The following SERINC2 variants were observed in gnomAD, a reference collection of about 807,000 sequenced individuals.
The protein encoded by SERINC2 is tumor differentially expressed protein 2.
SERINC2 carries 56 observed loss-of-function variants against 54.2 expected under a neutral mutation model. That is an observed-to-expected ratio of 1.03 (90% CI 0.83 to 1.29). The LOEUF (loss-of-function observed/expected upper bound fraction) is 1.29, where lower values mean the gene tolerates loss of function less well. Among genes scored for constraint, SERINC2 ranks in the 50% most tolerant of loss-of-function variants. SERINC2 has a pLI of 0.00. For missense variants in SERINC2, 614 were observed against 607.4 expected, an observed-to-expected ratio of 1.01 and a Z score of -0.12; for synonymous variants, 272 against 253.1, an observed-to-expected ratio of 1.07 and a Z score of -0.71.
chr1:31,433,423 C>G (rs1032955669), intron 9 of SERINC2, among the ~76,000 whole-genome samples: 2 of 152,146 alleles, frequency 1.3e-5, no homozygotes, highest in Non-Finnish European at 2.9e-5. Context: ...GGCACAGCAG[C>G]TGGGGCTGGA....
At chr1:31,410,734 C>G (rs1252993333), upstream of SERINC2, among the ~76,000 whole-genome samples, 3 of 152,180 alleles carry the variant, frequency 2.0e-5, no homozygotes, top group Non-Finnish European at 4.4e-5. Context: ...AAGTGGCCCC[C>G]CAAGGATGGC....
Position 31,432,960 on chromosome 1 carries a change from C to T in SERINC2, c.1014-7C>T, listed in dbSNP as rs1641358843. On this transcript the variant is annotated splice_polypyrimidine_tract_variant and splice_region_variant and intron_variant, in intron 8 of 9. Transcript: ENST00000373709. ...TCTATTTGCCCACCTTCCTCCCTCC[C>T]CTGCAGTCTGCGCTCCTCAGACCAC... The T allele has an allele frequency of 1.2e-6, 2 of 1,603,484 alleles. No homozygotes were observed. The highest frequency in any genetic ancestry group is 1.7e-5 in the Admixed American group (1 of 58,796).
intron 7 of SERINC2, 88 bp from the exon 8 acceptor site, chr1:31,429,308 TA>T: frequency 2.0e-6 from 3 of 1,478,688 alleles, no homozygotes; most frequent in Non-Finnish European, 2.8e-6. Flanking sequence ...GTCTGTCTAT[TA>T]GGGGTGGCTC....
At chr1:31,414,572 C>A in intron 1 of SERINC2, 2 of 985,738 alleles carry the variant, frequency 2.0e-6, no homozygotes, top group Non-Finnish European at 2.4e-6. Context: ...GGCAAGAGAG[C>A]CTCTCGCCTC....
chr1:31,429,815 A>T (rs1641147867), intron 8 of SERINC2, among the ~76,000 whole-genome samples: 1 of 151,802 alleles, frequency 6.6e-6, no homozygotes. Context: ...TCAGGGAAGG[A>T]GCATGGACTG....
chr1:31,413,326 C>T lies in SERINC2; in HGVS notation c.39+22C>T. The T allele has an allele frequency of 8.2e-7, 1 of 1,223,344 alleles. No homozygotes were observed. The highest frequency in any genetic ancestry group is 1.0e-6 in the Non-Finnish European group (1 of 973,078). The allele number at this position is 1,223,344 out of a possible 1,614,324, so 75.8% of individuals were successfully genotyped here. The stretch of plus-strand genomic sequence containing the variant: ...CTGCGTGAGTCCCGACCCCGGCGCC[C>T]GCCCGCGCGCGCCGCCCGTTCCTGC... On this transcript the variant is annotated intron_variant, in intron 1 of 9. Transcript: ENST00000373709. The surrounding 1 kb of genome is among the most constrained non-coding windows in gnomAD (Gnocchi z 5.0).
rs782185110 is a variant in SERINC2, at chr1:31,433,119, CCTT to C, written c.1171_1173del (p.Phe391del). The stretch of plus-strand genomic sequence containing the variant: ...CAGGACGGCGTCACCTACAGCTACT[CCTT>C]CTTCCACTTCTGCCTGGTGCTGGCC... On this transcript the variant is annotated inframe_deletion, in exon 9 of 10. Coordinates refer to ENST00000373709, the MANE Select transcript of SERINC2 (RefSeq NM_178865.5). 79 of 1,613,676 alleles carry C rather than the reference CCTT, an allele frequency of 4.9e-5. 1 individual carries two copies. The highest frequency in any genetic ancestry group is 3.8e-4 in the South Asian group (35 of 91,088).
chr1:31,423,565 G>A (rs782656567), intron 1 of SERINC2, 128 bp from the exon 2 acceptor site: 8 of 951,974 alleles, frequency 8.4e-6, no homozygotes, highest in African/African-American at 1.6e-5. Context: ...AGTTCAATGG[G>A]CTGGTGTCTG....
chr1:31,421,659 G>A (rs1225927200), intron 1 of SERINC2, among the ~76,000 whole-genome samples: 17 of 151,940 alleles, frequency 1.1e-4, no homozygotes, highest in African/African-American at 3.6e-4. Flanking sequence ...GGTCTCTGAG[G>A]AGCAAGGGGC....
chr1:31,414,601 G>A (rs781997873), intron 1 of SERINC2: 50 of 981,962 alleles, frequency 5.1e-5, no homozygotes, highest in Non-Finnish European at 5.8e-5. Flanking sequence ...TCCATTTTTC[G>A]TGTGTGTGTG....
intron 4 of SERINC2, 29 bp from the exon 5 acceptor site, chr1:31,425,746 TC>T: frequency 1.2e-6 from 2 of 1,608,024 alleles, no homozygotes; most frequent in South Asian, 2.2e-5. Flanking sequence ...AGAGGGACCC[TC>T]CTCGCCTCAC....
chr1:31,426,523 G>A (rs951288974), intron 5 of SERINC2, 131 bp from the exon 6 acceptor site: 12 of 683,346 alleles, frequency 1.8e-5, no homozygotes, highest in African/African-American at 3.6e-5. Flanking sequence ...AGGCAGTGAC[G>A]TCATTCTTCA....
rs1441992395 is a variant in SERINC2, at chr1:31,415,329, T to C, written c.39+2025T>C. On this transcript the variant is annotated intron_variant, in intron 1 of 9. Transcript: ENST00000373709. Reference sequence around the variant, plus strand: ...CGGCCCTCCCTTCAGTGCCATCCCCTTGGGGTTCTGGCCTCCGACATTTAC... The same window carrying C: ...CGGCCCTCCCTTCAGTGCCATCCCCCTGGGGTTCTGGCCTCCGACATTTAC... 2.6e-5 allele frequency among the ~76,000 whole-genome samples: 4 copies of C among 152,306 alleles called. No homozygotes were observed. In the East Asian group the frequency reaches 7.7e-4, roughly 29 times the overall value.
intron 8 of SERINC2, among the ~76,000 whole-genome samples, chr1:31,432,092 ACAGGGTGGACAGGG>A (rs1557501140): frequency 1.8e-5 from 2 of 110,260 alleles, no homozygotes; most frequent in Non-Finnish European, 3.6e-5. Flanking sequence ...GTTAGGGTGG[ACAGGGTGGACAGGG>A]TGGATAGGGT....
At chr1:31,409,818 C>A (rs553229259), upstream of SERINC2, 2,212 of 1,554,278 alleles carry the variant, frequency 1.4e-3, 55 homozygotes, top group South Asian at 0.022. Context: ...GGCTCAAAGC[C>A]GGCACACATC....
Position 31,415,709 on chromosome 1 carries a change from G to A in SERINC2, c.39+2405G>A, listed in dbSNP as rs148844836. 1.4e-3 allele frequency among the ~76,000 whole-genome samples: 208 copies of A among 152,326 alleles called. 1 individual carries two copies. Among genetic ancestry groups the A allele is most frequent in the African/African-American group, 4.8e-3 (201 of 41,566 alleles). ...TAAGTGGTGTAGTTGGGCACTACTGGACACCAGTACCATCCTGTTGCAGTG... is the reference window on the plus strand; with the variant it reads ...TAAGTGGTGTAGTTGGGCACTACTGAACACCAGTACCATCCTGTTGCAGTG... On this transcript the variant is annotated intron_variant, in intron 1 of 9. Coordinates refer to ENST00000373709, the MANE Select transcript of SERINC2 (RefSeq NM_178865.5).
At position 31,425,698 on chromosome 1, in the gene SERINC2, G is replaced by A; in HGVS notation, c.473-78G>A. 5.3e-6 allele frequency: 8 copies of A among 1,523,554 alleles called. No individual in the cohort carries two copies. In the South Asian group the frequency reaches 6.1e-5, roughly 12 times the overall value. The allele number at this position is 1,523,554 out of a possible 1,614,324, so 94.4% of individuals were successfully genotyped here. On this transcript the variant is annotated intron_variant, in intron 4 of 9. Coordinates refer to ENST00000373709, the MANE Select transcript of SERINC2 (RefSeq NM_178865.5). ...TTCTTCTCAGTGTCCCCGGTGCAGG[G>A]TGTAGCAGAAAACGCTTGTTGAACG...
In SERINC2 at chr1:31,420,359, G is replaced by A. The variant is rs951309377; in HGVS notation, c.40-3334G>A. On this transcript the variant is annotated intron_variant, in intron 1 of 9. Coordinates refer to ENST00000373709, the MANE Select transcript of SERINC2 (RefSeq NM_178865.5). ...GATTTTGATGTTTAAGAACCAGAGC[G>A]AACTGAAAGGCCAAGCTCTCTGAAA... Among the ~76,000 whole-genome samples the A allele has an allele frequency of 5.3e-5, 8 of 152,260 alleles. No homozygotes were observed. In the East Asian group the frequency reaches 9.6e-4, roughly 18 times the overall value.
rs782715376 is a variant in SERINC2, at chr1:31,425,369, C to T, written c.432C>T (p.Thr144=). The change falls in exon 4 of 10, where the codon ACC becomes ACT. Residue 144 remains threonine, a synonymous_variant. Transcript: ENST00000373709. ...AGTTCCTGATCCTGGTGGGCCTCAC[C>T]GTGGGTGCCTTCTACATTCCTGACG... ...FFKFLILVGL[T]VGAFYIPDGS... 7 of 1,613,268 alleles carry T rather than the reference C, an allele frequency of 4.3e-6. No homozygotes were observed. Among genetic ancestry groups the T allele is most frequent in the Admixed American group, 3.3e-5 (2 of 59,994 alleles).
Sources: gnomAD v4.1 joint callset for allele counts (sites outside exome capture counted in the v4.1 genomes callset) on GRCh38, gnomAD v4.1.1 for gene constraint, Gnocchi (gnomAD v3.1) non-coding constraint, MANE v1.5 for transcripts, NCBI Gene and HGNC (gene_info 2026-07-23, HGNC 2026-07-21) for gene names.